NAALADL2: variants seen among roughly 807,000 people sequenced by gnomAD.
The protein encoded by NAALADL2 is inactive N-acetylated-alpha-linked acidic dipeptidase-like protein 2.
In NAALADL2, 76 loss-of-function variants were observed where a neutral mutation model predicts 87.2. The ratio of observed to expected loss-of-function variants is 0.87; its 90% CI spans 0.72 to 1.05. NAALADL2 has a LOEUF of 1.05. NAALADL2 is among the 50% of genes least tolerant of loss of function. The probability of loss-of-function intolerance (pLI) is 0.00; values close to 1 mark genes in which losing one functional copy is unlikely to be tolerated. For missense variants in NAALADL2, 1,089 were observed against 945.8 expected (o/e 1.15, Z -1.99); for synonymous variants, 354 against 331.0 (o/e 1.07, Z -0.75).
intron 1 of NAALADL2, among the ~76,000 whole-genome samples, chr3:174,524,716 T>TA (rs10612544): frequency 6.2e-5 from 9 of 144,958 alleles, no homozygotes; most frequent in East Asian, 4.0e-4. Flanking sequence ...CCCAACAAAT[T>TA]AAAAAAAAAA....
Position 175,095,034 on chromosome 3 carries a change from GAAGTT to G in NAALADL2, c.44-1750_44-1746del, listed in dbSNP as rs1720884701. ...ACATACGAAGACCCTGTGTCGTAGG[GAAGTT>G]AAGTTTTTTGACCAATGTCACCTTT... is the stretch of plus-strand genomic sequence containing the variant. On this transcript the variant is annotated intron_variant, in intron 1 of 13. Coordinates refer to ENST00000454872, the MANE Select transcript of NAALADL2 (RefSeq NM_207015.3). Among the ~76,000 whole-genome samples the G allele has an allele frequency of 3.3e-5, 5 of 152,124 alleles. No individual in the cohort carries two copies. In the South Asian group the frequency reaches 1.0e-3, roughly 32 times the overall value.
At chr3:175,769,515 T>G (rs1046863559) in intron 13 of NAALADL2, among the ~76,000 whole-genome samples, 1 of 152,218 alleles carries the variant, frequency 6.6e-6, no homozygotes, top group Non-Finnish European at 1.5e-5. Flanking sequence ...ATAGGTAGAT[T>G]GTAACATACT....
At chr3:175,541,284 C>T (rs572568160) in intron 9 of NAALADL2, among the ~76,000 whole-genome samples, 1 of 152,276 alleles carries the variant, frequency 6.6e-6, no homozygotes, top group Non-Finnish European at 1.5e-5. Flanking sequence ...AAATGTTCCT[C>T]AATTTATGAT....
chr3:175,260,949 C>T (rs1750920011), intron 4 of NAALADL2, among the ~76,000 whole-genome samples: 1 of 152,014 alleles, frequency 6.6e-6, no homozygotes, highest in Admixed American at 6.6e-5. Context: ...AAAATCCCAA[C>T]ATTGCAGGGT....
chr3:175,734,442 A>G (rs1013223141), intron 11 of NAALADL2, among the ~76,000 whole-genome samples: 2 of 152,146 alleles, frequency 1.3e-5, no homozygotes, highest in African/African-American at 4.8e-5. Flanking sequence ...CTGTAGTCCC[A>G]GCTACTTGGG....
intron 9 of NAALADL2, among the ~76,000 whole-genome samples, chr3:175,552,851 A>C (rs1582372756): frequency 6.6e-6 from 1 of 152,286 alleles, no homozygotes; most frequent in Non-Finnish European, 1.5e-5. Context: ...TTAATTCAAT[A>C]GAGGATAGGG....
chr3:174,890,214 A>T (rs1222942409), intron 1 of NAALADL2, among the ~76,000 whole-genome samples: 2 of 152,222 alleles, frequency 1.3e-5, no homozygotes, highest in African/African-American at 4.8e-5. Flanking sequence ...GACATTATTT[A>T]GTTGAAGTTA....
chr3:174,841,222 C>T (rs1723989697), intron 3 of NAALADL2, among the ~76,000 whole-genome samples: 2 of 152,042 alleles, frequency 1.3e-5, no homozygotes, highest in Non-Finnish European at 2.9e-5. Context: ...GAATTGAAAC[C>T]AAACCACTTA....
intron 6 of NAALADL2, among the ~76,000 whole-genome samples, chr3:175,459,681 C>T (rs1000254618): frequency 6.6e-6 from 1 of 152,074 alleles, no homozygotes; most frequent in Non-Finnish European, 1.5e-5. Flanking sequence ...TAGGAGGAGA[C>T]AATCTCTCTA....
At chr3:175,468,957 A>G (rs1937457708) in intron 8 of NAALADL2, among the ~76,000 whole-genome samples, 1 of 152,074 alleles carries the variant, frequency 6.6e-6, no homozygotes, top group Non-Finnish European at 1.5e-5. Flanking sequence ...TTCTTAGTCA[A>G]TGATGCTAAA....
In NAALADL2 at chr3:175,783,396, T is replaced by C. The variant is rs1263316954; in HGVS notation, c.2190-19609T>C. 2.0e-5 allele frequency among the ~76,000 whole-genome samples: 3 copies of C among 151,342 alleles called. No individual in the cohort carries two copies. The East Asian group carries it at 5.8e-4, about 29-fold the overall frequency. ...TTTTATTTCCTTGAGCAGTGGTTTG[T>C]AGTTCTCCTTGAAGAGGTCCTTCCC... is the stretch of plus-strand genomic sequence containing the variant. On this transcript the variant is annotated intron_variant, in intron 13 of 13. Transcript: ENST00000454872.
intron 2 of NAALADL2, among the ~76,000 whole-genome samples, chr3:174,719,894 C>T (rs1243285263): frequency 2.0e-5 from 3 of 152,268 alleles, no homozygotes; most frequent in Admixed American, 6.5e-5. Flanking sequence ...GTCCGCCTCC[C>T]GGGTTCAAGC....
At chr3:175,654,437 C>T (rs1481430009) in intron 11 of NAALADL2, among the ~76,000 whole-genome samples, 1 of 152,124 alleles carries the variant, frequency 6.6e-6, no homozygotes, top group Non-Finnish European at 1.5e-5. Context: ...TTAAACGGTC[C>T]TTTGCTGGCA....
In NAALADL2 at chr3:175,002,909, C is replaced by A. The variant is rs186538629; in HGVS notation, c.44-93881C>A. Among the ~76,000 whole-genome samples the A allele has an allele frequency of 2.6e-5, 4 of 152,196 alleles. No homozygotes were observed. The East Asian group carries it at 5.8e-4, about 22-fold the overall frequency. On this transcript the variant is annotated intron_variant, in intron 1 of 13. Transcript: ENST00000454872. ...GCAGGCATGTATAAGTATAAACTTG[C>A]GTGACAGGCAAAACCTTGCATCCTC...
chr3:175,224,197 G>A (rs943597503), intron 2 of NAALADL2, among the ~76,000 whole-genome samples: 5 of 152,082 alleles, frequency 3.3e-5, no homozygotes, highest in South Asian at 2.1e-4. Context: ...TAGTCTGGGC[G>A]GTTTGGCTTG....
intron 1 of NAALADL2, among the ~76,000 whole-genome samples, chr3:175,049,175 T>C (rs1300200750): frequency 6.6e-6 from 1 of 152,098 alleles, no homozygotes; most frequent in Non-Finnish European, 1.5e-5. Context: ...CAAGCCATGA[T>C]GATCTTGATG....
At chr3:174,790,512 G>A (rs1320492032) in intron 3 of NAALADL2, among the ~76,000 whole-genome samples, 1 of 151,956 alleles carries the variant, frequency 6.6e-6, no homozygotes, top group Non-Finnish European at 1.5e-5. Flanking sequence ...GCTGGGTGTG[G>A]TGGTGCATGC....
intron 2 of NAALADL2, among the ~76,000 whole-genome samples, chr3:175,134,325 AGTTATTT>A (rs1436108999): frequency 1.3e-5 from 2 of 152,218 alleles, no homozygotes; most frequent in Non-Finnish European, 2.9e-5. Context: ...CCAACTGCAG[AGTTATTT>A]GTGCACGTTT....
chr3:174,567,086 A>G (rs980393387), intron 2 of NAALADL2, among the ~76,000 whole-genome samples: 1 of 151,728 alleles, frequency 6.6e-6, no homozygotes, highest in Non-Finnish European at 1.5e-5. Flanking sequence ...CAAGAGAGAC[A>G]TAGCAGAAAT....
Sources: allele counts gnomAD v4.1 joint callset (sites outside exome capture counted in the v4.1 genomes callset), GRCh38; gene constraint gnomAD v4.1.1; transcripts MANE v1.5; gene names NCBI Gene and HGNC (gene_info 2026-07-23, HGNC 2026-07-21).